FAM13A: variants seen among roughly 807,000 people sequenced by gnomAD.
FAM13A encodes the protein protein FAM13A.
FAM13A carries 76 observed loss-of-function variants against 129.6 expected under a neutral mutation model. The observed-to-expected ratio is 0.59, with a 90% CI of 0.49 to 0.71. FAM13A has a LOEUF of 0.71. Among genes scored for constraint, FAM13A ranks in the 30% least tolerant of loss-of-function variants. The pLI is 0.00. For synonymous variants in FAM13A, 443 were observed against 449.9 expected (o/e 0.98, Z 0.20); for missense variants, 1,108 against 1,249.3 (o/e 0.89, Z 1.70).
chr4:88,780,470 A>C (rs1211709498), intron 11 of FAM13A, among the ~76,000 whole-genome samples: 1 of 152,152 alleles, frequency 6.6e-6, no homozygotes, highest in Non-Finnish European at 1.5e-5. Flanking sequence ...TTCTTTTTTA[A>C]CTAAAGGGAC....
At position 88,965,993 on chromosome 4, in the gene FAM13A, A is replaced by G. The variant is rs977547231; in HGVS notation, c.605+24980T>C. On this transcript the variant is annotated intron_variant, in intron 4 of 23. Coordinates refer to ENST00000264344, the MANE Select transcript of FAM13A (RefSeq NM_014883.4). ...CTTGGATTATTACCATCTCTTGGCTATTGTAATGCAGCTATGAACACAGGT... is the reference window on the plus strand; with the variant it reads ...CTTGGATTATTACCATCTCTTGGCTGTTGTAATGCAGCTATGAACACAGGT... Among the ~76,000 whole-genome samples the G allele has an allele frequency of 2.0e-4, 30 of 152,170 alleles. 1 individual carries two copies. Among genetic ancestry groups the G allele is most frequent in the Non-Finnish European group, 1.5e-5 (1 of 68,032 alleles).
At chr4:88,859,484 G>A (rs1360288305) in intron 6 of FAM13A, among the ~76,000 whole-genome samples, 1 of 152,184 alleles carries the variant, frequency 6.6e-6, no homozygotes, top group African/African-American at 2.4e-5. Context: ...GGGAGCAGGT[G>A]GATGCTGTCT....
chr4:88,906,318 A>G (rs2150232253), intron 6 of FAM13A, 61 bp downstream of exon 6: 8 of 1,180,110 alleles, frequency 6.8e-6, no homozygotes, highest in Non-Finnish European at 9.9e-6. Context: ...CAAAAACAAC[A>G]AAAAACAAAG....
At chr4:88,743,904 T>G (rs1740759013) in intron 19 of FAM13A, among the ~76,000 whole-genome samples, 1 of 152,194 alleles carries the variant, frequency 6.6e-6, no homozygotes, top group Non-Finnish European at 1.5e-5. Context: ...AGTTTGTGTG[T>G]GAGGGCTATA....
intron 5 of FAM13A, among the ~76,000 whole-genome samples, chr4:88,928,397 T>C (rs1752537208): frequency 6.6e-6 from 1 of 152,248 alleles, no homozygotes; most frequent in South Asian, 2.1e-4. Context: ...TTGTTAATTT[T>C]CTGTCTCAAT....
intron 6 of FAM13A, chr4:88,855,429 T>G (rs1738320360): frequency 6.6e-6 from 1 of 152,130 alleles, no homozygotes; most frequent in South Asian, 2.1e-4. Context: ...CATACGTAAA[T>G]TATGGCATAT....
intron 3 of FAM13A, among the ~76,000 whole-genome samples, chr4:88,994,220 T>C (rs995506344): frequency 6.6e-6 from 1 of 152,176 alleles, no homozygotes; most frequent in Non-Finnish European, 1.5e-5. Context: ...CATTTATAAT[T>C]TACTTCTTGA....
At chr4:88,813,628 A>C (rs1228349842) in intron 7 of FAM13A, among the ~76,000 whole-genome samples, 2 of 152,152 alleles carry the variant, frequency 1.3e-5, no homozygotes, top group Non-Finnish European at 2.9e-5. Context: ...AATTTCCCAA[A>C]CTGTTAACTC....
At chr4:88,928,683 G>A (rs1752580687) in intron 5 of FAM13A, among the ~76,000 whole-genome samples, 1 of 139,780 alleles carries the variant, frequency 7.2e-6, no homozygotes, top group South Asian at 2.4e-4. Context: ...TTCAGCCTAT[G>A]TGTCTTTTTA....
chr4:88,805,237 T>C (rs1327241565), intron 7 of FAM13A, among the ~76,000 whole-genome samples, 185 bp from the exon 8 acceptor site: 1 of 152,210 alleles, frequency 6.6e-6, no homozygotes, highest in East Asian at 1.9e-4. Flanking sequence ...CTTGTCAGGA[T>C]ACCATCAAGT....
At chr4:88,977,567 T>C (rs1221642925) in intron 4 of FAM13A, among the ~76,000 whole-genome samples, 1 of 152,240 alleles carries the variant, frequency 6.6e-6, no homozygotes, top group African/African-American at 2.4e-5. Flanking sequence ...TACATTATTA[T>C]TTCATATAGA....
At chr4:88,877,927 T>C (rs988652852) in intron 6 of FAM13A, among the ~76,000 whole-genome samples, 3 of 152,172 alleles carry the variant, frequency 2.0e-5, no homozygotes, top group African/African-American at 7.2e-5. Context: ...ATGAACAAAT[T>C]CTTTCTCTTT....
chr4:89,026,851 T>C (rs149158261), intron 2 of FAM13A, among the ~76,000 whole-genome samples: 4 of 152,334 alleles, frequency 2.6e-5, no homozygotes, highest in Non-Finnish European at 4.4e-5. Flanking sequence ...CCAGAGCAGA[T>C]AGATGTTTTT....
chr4:88,804,876 G>C, intron 8 of FAM13A, 135 bp downstream of exon 8: 1 of 642,170 alleles, frequency 1.6e-6, no homozygotes. Flanking sequence ...ACAGTAAGGT[G>C]AAGAGCTCCA....
At chr4:88,829,967 T>C (rs1733609116) in intron 7 of FAM13A, among the ~76,000 whole-genome samples, 2 of 152,220 alleles carry the variant, frequency 1.3e-5, no homozygotes, top group South Asian at 2.1e-4. Context: ...TAGTTGGATA[T>C]GGGAAATAAA....
intron 6 of FAM13A, among the ~76,000 whole-genome samples, chr4:88,903,697 A>G (rs1340781192): frequency 6.6e-6 from 1 of 152,210 alleles, no homozygotes; most frequent in African/African-American, 2.4e-5. Flanking sequence ...AGGCAATACC[A>G]TTCAGGACAT....
At chr4:88,914,157 ATCT>A (rs1301030347) in intron 5 of FAM13A, among the ~76,000 whole-genome samples, 1 of 152,080 alleles carries the variant, frequency 6.6e-6, no homozygotes, top group Non-Finnish European at 1.5e-5. Context: ...AGTCAGTACT[ATCT>A]CCAAAATAAA....
intron 11 of FAM13A, among the ~76,000 whole-genome samples, chr4:88,769,487 C>A (rs1267602786): frequency 6.6e-6 from 1 of 152,040 alleles, no homozygotes; most frequent in African/African-American, 2.4e-5. Context: ...AAGATGGCAA[C>A]AATATGGTCT....
intron 4 of FAM13A, among the ~76,000 whole-genome samples, chr4:88,946,325 C>G (rs942631057): frequency 1.0e-4 from 15 of 150,018 alleles, no homozygotes; most frequent in African/African-American, 3.7e-4. Context: ...GCTCTTGTGG[C>G]TGGATAGCTA....
Sources: allele counts gnomAD v4.1 joint callset (sites outside exome capture counted in the v4.1 genomes callset), GRCh38; gene constraint gnomAD v4.1.1; transcripts MANE v1.5; gene names NCBI Gene and HGNC (gene_info 2026-07-23, HGNC 2026-07-21).